SHC4: variants seen among roughly 807,000 people sequenced by gnomAD.
SHC4 encodes the protein SHC adaptor protein 4, also known as SHC-transforming protein 4.
A neutral mutation model predicts 69.4 loss-of-function variants in SHC4; 41 were observed. That is an observed-to-expected ratio of 0.59 (90% confidence interval 0.46 to 0.77). The LOEUF (loss-of-function observed/expected upper bound fraction) is 0.77. SHC4 is among the 30% of genes least tolerant of loss of function. SHC4 has a pLI of 0.00. For synonymous variants in SHC4, 318 were observed against 299.3 expected, an observed-to-expected ratio of 1.06 and a Z score of -0.64; for missense variants, 777 against 783.8, an observed-to-expected ratio of 0.99 and a Z score of 0.10.
rs537064233 is a variant in SHC4, at chr15:48,933,269, A to T, written c.586-8320T>A. ...TATTTGTAAGTTTTCCTGATTTTTAATTCCAGCAAGTCACAATGAACAATC... is the reference window on the plus strand; with the variant it reads ...TATTTGTAAGTTTTCCTGATTTTTATTTCCAGCAAGTCACAATGAACAATC... On this transcript the variant is annotated intron_variant, in intron 1 of 11. Transcript: ENST00000332408. Among the ~76,000 whole-genome samples the T allele has an allele frequency of 2.6e-5, 4 of 152,312 alleles. No homozygotes were observed. The East Asian group carries it at 5.8e-4, about 22-fold the overall frequency.
At chr15:48,859,947 T>C (rs962737274) in intron 6 of SHC4, among the ~76,000 whole-genome samples, 1 of 151,982 alleles carries the variant, frequency 6.6e-6, no homozygotes, top group African/African-American at 2.4e-5. Context: ...GGAGAGAGGT[T>C]CACTTGAGCC....
chr15:48,907,767 C>T (rs535192011), intron 2 of SHC4, among the ~76,000 whole-genome samples: 15 of 135,844 alleles, frequency 1.1e-4, no homozygotes, highest in African/African-American at 4.2e-4. Context: ...GTGTAGTATT[C>T]CATCATATAT....
Position 48,922,882 on chromosome 15 carries a change from G to A in SHC4, c.656+1997C>T, listed in dbSNP as rs117840901. On this transcript the variant is annotated intron_variant, in intron 2 of 11. Coordinates refer to ENST00000332408, the MANE Select transcript of SHC4 (RefSeq NM_203349.4). The stretch of plus-strand genomic sequence containing the variant: ...CAGTTTGGAAAGTAGTAGATACCAT[G>A]TCACTTGAAGAGTAATTGAAGGCAC... Among the ~76,000 whole-genome samples the A allele has an allele frequency of 7.6e-3, 1,151 of 152,240 alleles. 7 individuals are homozygous for A. The highest frequency in any genetic ancestry group is 0.02 in the Admixed American group (312 of 15,288).
chr15:48,869,559 T>C (rs1048139756), intron 5 of SHC4, among the ~76,000 whole-genome samples: 4 of 152,216 alleles, frequency 2.6e-5, no homozygotes, highest in African/African-American at 9.6e-5. Flanking sequence ...CCATGTATCA[T>C]TTCACTTAAT....
At chr15:48,833,240 A>ACGT (rs1898837618) in intron 11 of SHC4, among the ~76,000 whole-genome samples, 1 of 151,818 alleles carries the variant, frequency 6.6e-6, no homozygotes, top group East Asian at 1.9e-4. Flanking sequence ...CTGTGGGGGG[A>ACGT]CGTGACTTTT....
intron 4 of SHC4, among the ~76,000 whole-genome samples, chr15:48,873,012 C>T (rs1376800066): frequency 1.3e-5 from 2 of 152,076 alleles, no homozygotes; most frequent in South Asian, 2.1e-4. Context: ...GACGTATATC[C>T]AACACAATTG....
intron 4 of SHC4, among the ~76,000 whole-genome samples, chr15:48,883,432 A>T (rs1437845188): frequency 6.6e-6 from 1 of 152,216 alleles, no homozygotes; most frequent in African/African-American, 2.4e-5. Context: ...GCATGTTATT[A>T]TTGCCAAGTA....
chr15:48,864,151 G>A (rs1174994877), intron 6 of SHC4, among the ~76,000 whole-genome samples: 1 of 152,052 alleles, frequency 6.6e-6, no homozygotes, highest in Non-Finnish European at 1.5e-5. Flanking sequence ...AGTAATAATA[G>A]CTACCATTTA....
At chr15:48,879,346 TTTTG>T (rs1360445760) in intron 4 of SHC4, 4 of 167,174 alleles carry the variant, frequency 2.4e-5, no homozygotes, top group Non-Finnish European at 4.4e-5. Context: ...GCATCTGAAA[TTTTG>T]TTTGTACATG....
At chr15:48,928,825 T>C (rs1555437420) in intron 1 of SHC4, among the ~76,000 whole-genome samples, 2 of 152,180 alleles carry the variant, frequency 1.3e-5, no homozygotes, top group South Asian at 2.1e-4. Context: ...CTGTGATCTT[T>C]ACTCTTACGG....
chr15:48,910,442 C>T (rs1030151535), intron 2 of SHC4, among the ~76,000 whole-genome samples: 1 of 151,982 alleles, frequency 6.6e-6, no homozygotes, highest in African/African-American at 2.4e-5. Context: ...TGGATTTTCT[C>T]TCTTCTTTTC....
intron 1 of SHC4, among the ~76,000 whole-genome samples, chr15:48,958,597 C>T (rs1022813519): frequency 3.3e-5 from 5 of 152,186 alleles, no homozygotes; most frequent in Admixed American, 6.5e-5. Flanking sequence ...CAACACCTCC[C>T]GTGTGAGAAA....
intron 8 of SHC4, among the ~76,000 whole-genome samples, chr15:48,855,050 G>C (rs1899285697): frequency 6.6e-6 from 1 of 152,076 alleles, no homozygotes. Flanking sequence ...GGTGGGAGGA[G>C]GGTGAGGATT....
At chr15:48,960,382 G>A (rs77595663) in intron 1 of SHC4, among the ~76,000 whole-genome samples, 8,328 of 152,210 alleles carry the variant, frequency 0.055, 340 homozygotes, top group Non-Finnish European at 0.078. Flanking sequence ...AGACTCACTC[G>A]TTTTCCCATG....
chr15:48,914,034 T>C (rs1900566891), intron 2 of SHC4, among the ~76,000 whole-genome samples: 1 of 152,166 alleles, frequency 6.6e-6, no homozygotes, highest in Admixed American at 6.5e-5. Flanking sequence ...TCAATTCTTG[T>C]AGTTTTGGTA....
intron 3 of SHC4, among the ~76,000 whole-genome samples, chr15:48,886,301 C>T (rs1567061550): frequency 6.6e-6 from 1 of 152,070 alleles, no homozygotes. Flanking sequence ...TAAATTATAA[C>T]ACTGTCTCAC....
At chr15:48,883,595 C>G (rs1012057095) in intron 4 of SHC4, among the ~76,000 whole-genome samples, 1 of 152,114 alleles carries the variant, frequency 6.6e-6, no homozygotes, top group African/African-American at 2.4e-5. Context: ...TAAAAGCAAG[C>G]CAAACAAAAT....
At chr15:48,861,437 G>A (rs1330836088) in intron 6 of SHC4, among the ~76,000 whole-genome samples, 1 of 152,210 alleles carries the variant, frequency 6.6e-6, no homozygotes, top group African/African-American at 2.4e-5. Context: ...GACATGCTAT[G>A]TTGCTCTATG....
chr15:48,884,265 T>A lies in SHC4; in HGVS notation c.823A>T (p.Asn275Tyr), dbSNP rs375956815. 1.6e-5 allele frequency: 26 copies of A among 1,599,330 alleles called. No individual in the cohort carries two copies. In the African/African-American group the frequency reaches 3.5e-4, roughly 22 times the overall value. ...TISTCSLTLMNLDNQQIIANH... is the reference protein window; with the variant it reads ...TISTCSLTLMYLDNQQIIANH... Reference sequence around the variant, plus strand: ...GATCTTACCTGTTGGTTGTCAAGATTCATCAATGTGAGACTGCATGTTGAG... The same window carrying A: ...GATCTTACCTGTTGGTTGTCAAGATACATCAATGTGAGACTGCATGTTGAG... Residue 275 changes from asparagine (N) to tyrosine (Y), a missense_variant, in exon 4 of 12, where the codon AAT becomes TAT. Coordinates refer to ENST00000332408, the MANE Select transcript of SHC4 (RefSeq NM_203349.4).
Sources: allele counts gnomAD v4.1 joint callset (sites outside exome capture counted in the v4.1 genomes callset), GRCh38; gene constraint gnomAD v4.1.1; transcripts MANE v1.5; gene names NCBI Gene and HGNC (gene_info 2026-07-23, HGNC 2026-07-21).